AFF1: variants seen among roughly 807,000 people sequenced by gnomAD.
AFF1 encodes AF4/FMR2 family member 1.
AFF1 carries 48 observed loss-of-function variants against 121.7 expected under a neutral mutation model. The observed-to-expected ratio is 0.39, with a 90% CI of 0.31 to 0.50. The LOEUF is 0.50. Ranked by LOEUF, AFF1 falls within the 20% of genes least tolerant of loss-of-function variation. AFF1 has a pLI of 0.76. For synonymous variants in AFF1, 613 were observed against 563.0 expected (o/e 1.09, Z -1.26); for missense variants, 1,523 against 1,511.7 (o/e 1.01, Z -0.12).
At chr4:87,128,933 T>C (rs186055473) in intron 16 of AFF1, among the ~76,000 whole-genome samples, 1 of 152,344 alleles carries the variant, frequency 6.6e-6, no homozygotes, top group East Asian at 1.9e-4. Context: ...AGAGTAAATA[T>C]TTCGCACTGT....
chr4:87,100,520 T>C (rs1291671107), intron 8 of AFF1, among the ~76,000 whole-genome samples: 1 of 152,056 alleles, frequency 6.6e-6, no homozygotes, highest in African/African-American at 2.4e-5. Context: ...TATAAAAGAG[T>C]GACCTCTAGC....
chr4:87,044,181 C>A (rs1730440759), intron 2 of AFF1, among the ~76,000 whole-genome samples: 1 of 152,124 alleles, frequency 6.6e-6, no homozygotes, highest in African/African-American at 2.4e-5. Flanking sequence ...CTCCATACAT[C>A]CTACTCCCAT....
At chr4:87,057,300 C>T (rs1006081323) in intron 4 of AFF1, among the ~76,000 whole-genome samples, 1 of 152,026 alleles carries the variant, frequency 6.6e-6, no homozygotes, top group African/African-American at 2.4e-5. Context: ...TTTTGAAATT[C>T]TTTAGTTATT....
chr4:87,084,981 C>T (rs764245799), intron 5 of AFF1, among the ~76,000 whole-genome samples: 8 of 152,014 alleles, frequency 5.3e-5, no homozygotes, highest in Non-Finnish European at 1.0e-4. Flanking sequence ...TTCAGTGAGA[C>T]GATGAAATTT....
chr4:87,105,031 TGTAAA>T (rs888727702), intron 8 of AFF1, among the ~76,000 whole-genome samples: 3 of 152,230 alleles, frequency 2.0e-5, no homozygotes, highest in Non-Finnish European at 4.4e-5. Context: ...TAGACAGAAA[TGTAAA>T]GTAACTGCAC....
At position 87,047,183 on chromosome 4, in the gene AFF1, C is replaced by T. The variant is rs1219500683; in HGVS notation, c.648C>T (p.Pro216=). ...SPLISLPSPV[P]PLSPIHSNQQ... is the part of the protein sequence containing the mutation. The stretch of plus-strand genomic sequence containing the variant: ...TAATCTCTTTGCCTTCCCCAGTTCC[C>T]CCTTTGTCACCTATACATTCCAACC... The change falls in exon 4 of 21, where the codon CCC becomes CCT. Residue 216 remains proline, a synonymous_variant. Transcript: ENST00000395146. The T allele has an allele frequency of 8.7e-6, 14 of 1,614,060 alleles. No homozygotes were observed. The South Asian group carries it at 1.3e-4, about 15-fold the overall frequency.
intron 1 of AFF1, among the ~76,000 whole-genome samples, chr4:86,937,704 C>T (rs1381622722): frequency 6.6e-6 from 1 of 150,434 alleles, no homozygotes; most frequent in Non-Finnish European, 1.5e-5. Context: ...TCCTCAGCCT[C>T]CCAAATAGCT....
chr4:86,955,170 A>C (rs1165542200), intron 2 of AFF1, among the ~76,000 whole-genome samples: 1 of 152,186 alleles, frequency 6.6e-6, no homozygotes, highest in Non-Finnish European at 1.5e-5. Context: ...CTTTGTCTTT[A>C]AAATGACAAT....
At chr4:87,092,930 G>A (rs781235248) in intron 7 of AFF1, among the ~76,000 whole-genome samples, 16 of 152,128 alleles carry the variant, frequency 1.1e-4, no homozygotes, top group African/African-American at 1.7e-4. Flanking sequence ...CAGCTCAGCC[G>A]TGGGTGGGGT....
Position 87,114,583 on chromosome 4 carries a change from G to GCC in AFF1, c.1755_1756dup (p.His586ProfsTer68). 1 of 1,048,818 alleles carries GCC rather than the reference G, an allele frequency of 9.5e-7. No individual in the cohort carries two copies. Among genetic ancestry groups the GCC allele is most frequent in the Non-Finnish European group, 1.3e-6 (1 of 783,814 alleles). 65.0% of individuals were successfully genotyped at this position (1,048,818 alleles called of 1,614,324 possible). ...CAAAGCCCCCCGGGCCCCACCCGAA[G>GCC]CCCCCCACCCCGGAAAGAGGAGCTG... is the stretch of plus-strand genomic sequence containing the variant. On this transcript the variant is annotated frameshift_variant, in exon 12 of 21. Transcript: ENST00000395146. LOFTEE classifies it high-confidence loss of function.
chr4:87,043,249 G>A (rs1266403640), intron 2 of AFF1, among the ~76,000 whole-genome samples: 2 of 152,156 alleles, frequency 1.3e-5, no homozygotes, highest in African/African-American at 2.4e-5. Flanking sequence ...TCCCTTGGTG[G>A]TGAGAATAGC....
chr4:87,045,792 A>G (rs1325281464), intron 2 of AFF1, among the ~76,000 whole-genome samples: 1 of 152,188 alleles, frequency 6.6e-6, no homozygotes, highest in African/African-American at 2.4e-5. Context: ...ACTCCTGCAG[A>G]TGAAAAGCTT....
chr4:87,044,315 T>C (rs1272497689), intron 2 of AFF1, among the ~76,000 whole-genome samples: 4 of 152,262 alleles, frequency 2.6e-5, no homozygotes, highest in African/African-American at 4.8e-5. Flanking sequence ...TACGTAAGTG[T>C]AGTGGCTGTT....
intron 12 of AFF1, among the ~76,000 whole-genome samples, chr4:87,120,491 T>C (rs1727573666): frequency 6.6e-6 from 1 of 152,258 alleles, no homozygotes; most frequent in Non-Finnish European, 1.5e-5. Flanking sequence ...ATGGCTTGAC[T>C]GCTGAGTAAA....
intron 2 of AFF1, among the ~76,000 whole-genome samples, chr4:86,980,054 G>A (rs1723611143): frequency 6.6e-6 from 1 of 152,110 alleles, no homozygotes; most frequent in Non-Finnish European, 1.5e-5. Flanking sequence ...GGGACTACAG[G>A]CATGTGCCAC....
chr4:87,114,428 C>T lies in AFF1; in HGVS notation c.1595C>T (p.Pro532Leu). 6.2e-7 allele frequency: 1 copy of T among 1,610,888 alleles called. No homozygotes were observed. The highest frequency in any genetic ancestry group is 1.7e-4 in the Middle Eastern group (1 of 6,048). The change falls in exon 12 of 21, where the codon CCA becomes CTA. Residue 532 changes from proline to leucine, a missense_variant. Transcript: ENST00000395146. ...LDNWLTKVSQ[P>L]AAPPEGPRST... ...AACTGGCTGACCAAAGTCAGCCAGC[C>T]AGCTGCGCCACCAGAGGGCCCCAGG...
intron 2 of AFF1, among the ~76,000 whole-genome samples, chr4:87,020,479 T>TTTTTG (rs577020520): frequency 1.1e-4 from 17 of 152,102 alleles, no homozygotes; most frequent in Non-Finnish European, 1.8e-4. Context: ...TGATGCCATG[T>TTTTTG]TTTTGTTTTG....
chr4:87,012,439 A>G (rs950043017), intron 2 of AFF1, among the ~76,000 whole-genome samples: 1 of 151,364 alleles, frequency 6.6e-6, no homozygotes, highest in Non-Finnish European at 1.5e-5. Flanking sequence ...ATAGAAACAT[A>G]TAGTGAGGCT....
At chr4:87,065,326 G>A (rs144842143) in intron 4 of AFF1, among the ~76,000 whole-genome samples, 14 of 152,110 alleles carry the variant, frequency 9.2e-5, no homozygotes, top group African/African-American at 2.7e-4. Flanking sequence ...AGAACAGCAC[G>A]GGAAAGACCT....
Sources: gnomAD v4.1 joint callset for allele counts (sites outside exome capture counted in the v4.1 genomes callset) on GRCh38, gnomAD v4.1.1 for gene constraint, MANE v1.5 for transcripts, NCBI Gene and HGNC (gene_info 2026-07-23, HGNC 2026-07-21) for gene names.